The following FBXL16 variants were observed in gnomAD, a reference collection of about 807,000 sequenced individuals.
FBXL16 encodes the protein F-box/LRR-repeat protein 16.
In FBXL16, 7 loss-of-function variants were observed where a neutral mutation model predicts 36.7. That is an observed-to-expected ratio of 0.19 (90% CI 0.11 to 0.36). The LOEUF (loss-of-function observed/expected upper bound fraction) is 0.36, where lower values mean the gene tolerates loss of function less well. FBXL16 is among the 10% of genes least tolerant of loss of function. FBXL16 has a pLI of 1.00. For missense variants in FBXL16, 463 were observed against 659.4 expected (o/e 0.70, Z 3.26); for synonymous variants, 355 against 308.7 (o/e 1.15, Z -1.57).
At chr16:694,843 G>C in intron 4 of FBXL16, 146 bp from the exon 5 acceptor site, 1 of 1,253,988 alleles carries the variant, frequency 8.0e-7, no homozygotes, top group Non-Finnish European at 1.1e-6. Context: ...GTGCTCGTGG[G>C]GGCCGCCGGG....
intron 1 of FBXL16, among the ~76,000 whole-genome samples, chr16:703,780 C>T (rs941817629): frequency 9.2e-5 from 14 of 152,234 alleles, no homozygotes; most frequent in Non-Finnish European, 1.8e-4. Context: ...GACTGAGGGC[C>T]CATGGTCAAG....
At chr16:696,199 C>T (rs2040010101) in intron 2 of FBXL16, among the ~76,000 whole-genome samples, 1 of 151,968 alleles carries the variant, frequency 6.6e-6, no homozygotes, top group South Asian at 2.1e-4. Flanking sequence ...CTCAGCTCCC[C>T]CTCGCATCCT....
At position 695,591 on chromosome 16, in the gene FBXL16, G is replaced by T; in HGVS notation, c.966C>A (p.Leu322=). 1 of 1,606,440 alleles carries T rather than the reference G, an allele frequency of 6.2e-7. No individual in the cohort carries two copies. The change falls in exon 3 of 6, where the codon CTC becomes CTA. Residue 322 remains leucine, a synonymous_variant. Transcript: ENST00000397621. ...AGCAGCCCGAGAGGCTGAGCGCGGT[G>T]AGGTTGGGCAGGCTGTGCACCACGT... ...VVNVVHSLPN[L]TALSLSGCSK... is the part of the protein sequence containing the mutation.
chr16:697,439 G>A lies in FBXL16; in HGVS notation c.-14-20C>T, dbSNP rs926001267. 3.3e-6 allele frequency: 5 copies of A among 1,513,250 alleles called. No individual in the cohort carries two copies. Among genetic ancestry groups the A allele is most frequent in the East Asian group, 2.5e-5 (1 of 40,600 alleles). The allele number at this position is 1,513,250 out of a possible 1,614,324, so 93.7% of individuals were successfully genotyped here. The stretch of plus-strand genomic sequence containing the variant: ...CACGCTCTGTGGATGAGGGCCGGGA[G>A]GGGGAGTGAGTCTGTTGCTGAGTCT... On this transcript the variant is annotated intron_variant, in intron 1 of 5. Coordinates refer to ENST00000397621, the MANE Select transcript of FBXL16 (RefSeq NM_153350.4). This position sits in a 1 kb window ranked among gnomAD's most constrained non-coding sequence, Gnocchi z 4.6.
At position 694,628 on chromosome 16, in the gene FBXL16, T is replaced by A. The variant is rs747119837; in HGVS notation, c.1291+6A>T. On this transcript the variant is annotated splice_donor_region_variant and intron_variant, in intron 5 of 5. Transcript: ENST00000397621. ...GCCAGCGTCAGAGCAGAAACGGGGG[T>A]CTCACCTGCCAGAGACAGGAGGCGC... The A allele has an allele frequency of 7.5e-6, 12 of 1,607,108 alleles. 1 individual carries two copies. The African/African-American group carries it at 8.0e-5, about 11-fold the overall frequency.
Position 695,562 on chromosome 16 carries a change from T to G in FBXL16, c.995A>C (p.Lys332Thr). The G allele has an allele frequency of 6.2e-7, 1 of 1,604,386 alleles. No homozygotes were observed. The highest frequency in any genetic ancestry group is 8.5e-7 in the Non-Finnish European group (1 of 1,179,052). ...GAGCTCCACGCCGTCGTCGGTGACC[T>G]TGGAGCAGCCCGAGAGGCTGAGCGC... ...LTALSLSGCS[K>T]VTDDGVELVA... The change falls in exon 3 of 6, where the codon AAG becomes ACG. Residue 332 changes from lysine (K) to threonine (T), a missense_variant. Around this residue, in one of 3 missense-constraint regions of FBXL16, gnomAD observed 66 missense variants for 146.3 expected, o/e 0.45. Coordinates refer to ENST00000397621, the MANE Select transcript of FBXL16 (RefSeq NM_153350.4).
At chr16:704,613 CA>C (rs1367510614) in intron 1 of FBXL16, among the ~76,000 whole-genome samples, 12 of 152,222 alleles carry the variant, frequency 7.9e-5, no homozygotes, top group African/African-American at 1.9e-4. Flanking sequence ...GGCTGCTGTC[CA>C]GCACCCCACA....
intron 1 of FBXL16, among the ~76,000 whole-genome samples, chr16:699,273 G>GGGCACCCTCCTCAGGCCTCCATCCCA (rs1406576002): frequency 1.3e-5 from 2 of 152,212 alleles, no homozygotes; most frequent in East Asian, 3.8e-4. Context: ...GAGCAGTCCC[G>GGGCACCCTCCTCAGGCCTCCATCCCA]GGCACCCTCC....
intron 2 of FBXL16, among the ~76,000 whole-genome samples, chr16:696,500 G>A (rs1035918992): frequency 2.0e-5 from 3 of 152,210 alleles, no homozygotes; most frequent in Admixed American, 6.5e-5. Context: ...CTAACCTCAA[G>A]TGAGTGGCCT....
intron 5 of FBXL16, 51 bp downstream of exon 5, chr16:694,583 A>T: frequency 1.3e-6 from 2 of 1,558,642 alleles, no homozygotes; most frequent in Non-Finnish European, 1.7e-6. Context: ...GGGTGGACTA[A>T]GTGGGGGTGG....
chr16:698,337 A>G (rs1258974385), intron 1 of FBXL16, among the ~76,000 whole-genome samples: 1 of 152,076 alleles, frequency 6.6e-6, no homozygotes, highest in Non-Finnish European at 1.5e-5. Context: ...AGGCGAAGAA[A>G]CGCCGACACT....
intron 3 of FBXL16, 50 bp from the exon 4 acceptor site, chr16:695,126 C>G: frequency 6.4e-7 from 1 of 1,553,166 alleles, no homozygotes; most frequent in Non-Finnish European, 8.8e-7. Flanking sequence ...CTGGCCCCGG[C>G]CATCCCTCGT....
At position 695,478 on chromosome 16, in the gene FBXL16, G is replaced by C; in HGVS notation, c.1079C>G (p.Thr360Ser). The change falls in exon 3 of 6, where the codon ACC becomes AGC. Residue 360 changes from threonine (T) to serine (S), a missense_variant. Coordinates refer to ENST00000397621, the MANE Select transcript of FBXL16 (RefSeq NM_153350.4). ...SLDLSWCPRI[T>S]DMALEYVACD... ...GGCCACGTACTCCAGCGCCATGTCG[G>C]TGATGCGTGGGCACCACGAGAGGTC... The C allele has an allele frequency of 1.9e-6, 3 of 1,582,464 alleles. No homozygotes were observed. The highest frequency in any genetic ancestry group is 2.6e-6 in the Non-Finnish European group (3 of 1,171,272).
chr16:705,015 G>A (rs1198716733), intron 1 of FBXL16, among the ~76,000 whole-genome samples: 3 of 152,212 alleles, frequency 2.0e-5, no homozygotes, highest in African/African-American at 4.8e-5. Flanking sequence ...GAAGGTGCCA[G>A]CCTCCCCCCA....
chr16:695,060 C>T lies in FBXL16; in HGVS notation c.1159G>A (p.Asp387Asn), dbSNP rs542333830. 3 of 1,606,214 alleles carry T rather than the reference C, an allele frequency of 1.9e-6. No homozygotes were observed. In the South Asian group the frequency reaches 3.3e-5, roughly 18 times the overall value. Reference sequence around the variant, plus strand: ...GTGGACAGATAGCTGAGGCCAGTGTCCGTGATGCGTACACACCTGTGGTTG... The same window carrying T: ...GTGGACAGATAGCTGAGGCCAGTGTTCGTGATGCGTACACACCTGTGGTTG... ...LVLDRCVRIT[D>N]TGLSYLSTMS... The change falls in exon 4 of 6, where the codon GAC becomes AAC. Residue 387 changes from aspartate to asparagine, a missense_variant. Physicochemically the swap from Asp to Asn is conservative, Grantham distance 23. Around this residue, in one of 3 missense-constraint regions of FBXL16, gnomAD observed 134 missense variants for 172.0 expected, o/e 0.78. Transcript: ENST00000397621.
Position 697,545 on chromosome 16 carries a change from CAG to C in FBXL16, c.-14-128_-14-127del, listed in dbSNP as rs2040023810. On this transcript the variant is annotated intron_variant, in intron 1 of 5. Coordinates refer to ENST00000397621, the MANE Select transcript of FBXL16 (RefSeq NM_153350.4). This position sits in a 1 kb window ranked among gnomAD's most constrained non-coding sequence, Gnocchi z 4.6. ...CTATGGTGCTCCCAGAACCACCAGA[CAG>C]AGAGGATGGGAGTGCCTGCTTCTCC... The C allele has an allele frequency of 8.1e-7, 1 of 1,228,600 alleles. No individual in the cohort carries two copies. Among genetic ancestry groups the C allele is most frequent in the East Asian group, 2.7e-5 (1 of 36,738 alleles). The allele number at this position is 1,228,600 out of a possible 1,614,324, so 76.1% of individuals were successfully genotyped here. A position where few individuals can be genotyped will look rare whatever the true frequency, so the allele number is the denominator to read the frequency against.
Position 694,220 on chromosome 16 carries a change from C to G in FBXL16, c.*55G>C. 8.2e-7 allele frequency: 1 copy of G among 1,218,352 alleles called. No homozygotes were observed. Among genetic ancestry groups the G allele is most frequent in the East Asian group, 3.3e-5 (1 of 30,186 alleles). 75.5% of individuals were successfully genotyped at this position (1,218,352 alleles called of 1,614,324 possible). A position where few individuals can be genotyped will look rare whatever the true frequency, so the allele number is the denominator to read the frequency against. ...GGGAAGAGGGGGCTCGGCGGCGCCC[C>G]GCGCCCCCGCCCAGGTCATGGCCGG... On this transcript the variant is annotated 3_prime_UTR_variant, in exon 6 of 6. Coordinates refer to ENST00000397621, the MANE Select transcript of FBXL16 (RefSeq NM_153350.4).
rs576329430 is a variant in FBXL16 at position 693,134 on chromosome 16, C to T, written c.*1141G>A. On this transcript the variant is annotated 3_prime_UTR_variant, in exon 6 of 6. Transcript: ENST00000397621. ...GGGCCGACAGAGCACGGTCAGAGCC[C>T]ATTTGGGCAGACAGAAGTTTGGGAA... 2 of 141,268 alleles carry T rather than the reference C, an allele frequency of 1.4e-5. No individual in the cohort carries two copies. The highest frequency in any genetic ancestry group is 1.4e-4 in the Admixed American group (2 of 14,064). 8.8% of individuals were successfully genotyped at this position (141,268 alleles called of 1,614,324 possible).
intron 1 of FBXL16, among the ~76,000 whole-genome samples, chr16:701,174 C>A (rs1291820954): frequency 6.6e-6 from 1 of 152,170 alleles, no homozygotes; most frequent in East Asian, 1.9e-4. Context: ...ATGGAGAAAC[C>A]AAGCCGCACT....
Sources: gnomAD v4.1 joint callset for allele counts (sites outside exome capture counted in the v4.1 genomes callset) on GRCh38, gnomAD v4.1.1 for gene constraint, gnomAD v4.1.1 regional missense constraint, Gnocchi (gnomAD v3.1) non-coding constraint, MANE v1.5 for transcripts, NCBI Gene and HGNC (gene_info 2026-07-23, HGNC 2026-07-21) for gene names.